ANKRD36C: variants seen among roughly 807,000 people sequenced by gnomAD.
ANKRD36C encodes the protein ankyrin repeat domain-containing protein 36C.
A neutral mutation model predicts 276.4 loss-of-function variants in ANKRD36C; 61 were observed. The observed-to-expected ratio is 0.22, with a 90% confidence interval of 0.18 to 0.27. ANKRD36C has a LOEUF of 0.27. ANKRD36C is among the 10% of genes least tolerant of loss of function. The pLI, the probability that ANKRD36C is intolerant of heterozygous loss-of-function variation, is 1.00. For synonymous variants in ANKRD36C, 483 were observed against 680.1 expected, an observed-to-expected ratio of 0.71 and a Z score of 4.51; for missense variants, 1,447 against 2,032.3, an observed-to-expected ratio of 0.71 and a Z score of 5.54.
At chr2:95,944,821 T>G (rs372181262) in intron 18 of ANKRD36C, 127 bp from the exon 19 acceptor site, 1 of 540,138 alleles carries the variant, frequency 1.9e-6, no homozygotes, top group African/African-American at 2.3e-5. Context: ...GCAGATCATA[T>G]GAGGTCAGGT....
At position 95,887,944 on chromosome 2, in the gene ANKRD36C, A is replaced by C. The variant is rs777950593; in HGVS notation, c.3042T>G (p.Asp1014Glu). ...AATTACCTGTTCCAGATTGTTGTCC[A>C]TCCTTTATTTCTGTGGGTATATTCG... Residue 1014 changes from aspartate to glutamate, a missense_variant, in exon 50 of 67, where the codon GAT becomes GAG. Around this residue, in one of 13 missense-constraint regions of ANKRD36C, gnomAD observed 565 missense variants for 539.5 expected, o/e 1.05. Coordinates refer to ENST00000456556, the Ensembl canonical transcript of ANKRD36C. 3.1e-6 allele frequency: 5 copies of C among 1,595,954 alleles called. No individual in the cohort carries two copies. In the Admixed American group the frequency reaches 7.0e-5, roughly 22 times the overall value.
downstream of ANKRD36C, among the ~76,000 whole-genome samples, chr2:95,850,657 T>C (rs187692397): frequency 3.5e-3 from 539 of 152,352 alleles, 9 homozygotes; most frequent in Non-Finnish European, 8.8e-4. Flanking sequence ...TTTGATTCCA[T>C]GCTAAGGAAT....
chr2:95,977,825 A>G (rs973126481), intron 6 of ANKRD36C, among the ~76,000 whole-genome samples: 27 of 152,166 alleles, frequency 1.8e-4, no homozygotes, highest in African/African-American at 6.3e-4. Flanking sequence ...TTATCATGTG[A>G]CTATAAAAAA....
intron 42 of ANKRD36C, 41 bp downstream of exon 54, chr2:95,902,845 A>C: frequency 6.5e-7 from 1 of 1,527,196 alleles, no homozygotes; most frequent in Non-Finnish European, 8.8e-7. Flanking sequence ...TTTCTTATCT[A>C]TCTGGACTGA....
chr2:95,982,853 A>G (rs1446808509), intron 3 of ANKRD36C, among the ~76,000 whole-genome samples: 1 of 130,656 alleles, frequency 7.7e-6, no homozygotes, highest in African/African-American at 2.9e-5. Context: ...TTTGAACATT[A>G]TACCCCAAAA....
chr2:95,973,675 AT>A (rs2104525100), intron 6 of ANKRD36C, among the ~76,000 whole-genome samples: 1 of 152,326 alleles, frequency 6.6e-6, no homozygotes, highest in Non-Finnish European at 1.5e-5. Context: ...AGGATGAGTT[AT>A]CCACTTCTGC....
chr2:95,853,269 T>C (rs1194826006), intron 64 of ANKRD36C: 1 of 157,008 alleles, frequency 6.4e-6, no homozygotes, highest in Non-Finnish European at 1.4e-5. Flanking sequence ...TTCAGAAAAG[T>C]AGAGACTAAA....
At chr2:95,931,347 C>T (rs886692640) in intron 24 of ANKRD36C, among the ~76,000 whole-genome samples, 22 of 150,200 alleles carry the variant, frequency 1.5e-4, no homozygotes, top group African/African-American at 7.3e-5. Context: ...TGTCTCTATG[C>T]TTTCACCTCA....
chr2:95,963,710 G>C (rs370449172), intron 6 of ANKRD36C, among the ~76,000 whole-genome samples: 1 of 108,928 alleles, frequency 9.2e-6, no homozygotes, highest in Non-Finnish European at 1.8e-5. Flanking sequence ...GTTATACTTA[G>C]AGTCATAATT....
At chr2:95,923,186 C>T (rs1677317986) in intron 32 of ANKRD36C, among the ~76,000 whole-genome samples, 2 of 151,560 alleles carry the variant, frequency 1.3e-5, no homozygotes, top group Admixed American at 1.3e-4. Flanking sequence ...TCTCCTTCCA[C>T]CCTTGGTGAA....
chr2:95,983,225 GAATTA>G (rs1335758565), intron 3 of ANKRD36C, among the ~76,000 whole-genome samples: 2 of 151,758 alleles, frequency 1.3e-5, no homozygotes, highest in African/African-American at 4.8e-5. Flanking sequence ...GCCGGGCTCT[GAATTA>G]ATAGAGATAG....
intron 13 of ANKRD36C, among the ~76,000 whole-genome samples, 157 bp downstream of exon 13, chr2:95,956,629 A>G (rs1304362230): frequency 6.6e-6 from 1 of 152,216 alleles, no homozygotes; most frequent in Non-Finnish European, 1.5e-5. Context: ...TAATAGCACA[A>G]ATAGTTTGTA....
At chr2:95,928,747 C>T (rs544437697) in intron 26 of ANKRD36C, among the ~76,000 whole-genome samples, 1 of 151,420 alleles carries the variant, frequency 6.6e-6, no homozygotes, top group Non-Finnish European at 1.5e-5. Context: ...ATTACTTCAT[C>T]TCGTTCTCTT....
intron 6 of ANKRD36C, among the ~76,000 whole-genome samples, chr2:95,974,535 C>G (rs184970998): frequency 6.6e-6 from 1 of 152,100 alleles, no homozygotes; most frequent in Non-Finnish European, 1.5e-5. Context: ...AAGGGAATTG[C>G]ACTAAAACAA....
chr2:95,975,374 A>G (rs1468499897), intron 6 of ANKRD36C, among the ~76,000 whole-genome samples: 1 of 152,246 alleles, frequency 6.6e-6, no homozygotes, highest in Non-Finnish European at 1.5e-5. Flanking sequence ...CTGACTTCAA[A>G]CTATACTACA....
exon 36 of ANKRD36C, chr2:95,917,860 C>G (rs1298096233): frequency 6.3e-7 from 1 of 1,598,238 alleles, no homozygotes. Context: ...ATTACCTGTC[C>G]CAGATTTTTC....
intron 60 of ANKRD36C, among the ~76,000 whole-genome samples, chr2:95,864,985 TAAAC>T (rs1015419682): frequency 5.9e-5 from 9 of 152,094 alleles, no homozygotes; most frequent in African/African-American, 1.7e-4. Flanking sequence ...ATGCTAGTGA[TAAAC>T]AATCAAATGA....
At chr2:95,969,155 G>A (rs1258706810) in intron 6 of ANKRD36C, among the ~76,000 whole-genome samples, 1 of 152,108 alleles carries the variant, frequency 6.6e-6, no homozygotes, top group African/African-American at 2.4e-5. Context: ...ATCCCAGGAG[G>A]TGAGGGGTGG....
chr2:95,920,012 T>C, intron 34 of ANKRD36C, 92 bp from the exon 35 acceptor site: 1 of 1,383,492 alleles, frequency 7.2e-7, no homozygotes, highest in Non-Finnish European at 9.7e-7. Context: ...GCTGTATCCT[T>C]CTGCCTGTAC....
Sources: allele counts gnomAD v4.1 joint callset (sites outside exome capture counted in the v4.1 genomes callset), GRCh38; gene constraint gnomAD v4.1.1; regional missense constraint gnomAD v4.1.1; transcripts MANE v1.5; gene names NCBI Gene and HGNC (gene_info 2026-07-23, HGNC 2026-07-21).